PTPRU: variants seen among roughly 807,000 people sequenced by gnomAD.
The protein encoded by PTPRU is protein tyrosine phosphatase receptor type U, also known as receptor-type tyrosine-protein phosphatase U.
PTPRU carries 69 observed loss-of-function variants against 166.3 expected under a neutral mutation model. That is an observed-to-expected ratio of 0.41 (90% CI 0.34 to 0.51). The LOEUF (loss-of-function observed/expected upper bound fraction) is 0.51. PTPRU is among the 20% of genes least tolerant of loss of function. PTPRU has a pLI of 0.09. For missense variants in PTPRU, 1,657 were observed against 2,013.7 expected (o/e 0.82, Z 3.39); for synonymous variants, 793 against 814.0 (o/e 0.97, Z 0.44).
intron 15 of PTPRU, among the ~76,000 whole-genome samples, chr1:29,293,754 G>A (rs555111198): frequency 1.2e-3 from 186 of 152,332 alleles, no homozygotes; most frequent in African/African-American, 4.1e-3. Context: ...GATTACAGGC[G>A]TGAGCCACTG....
Position 29,238,953 on chromosome 1 carries a change from CT to C in PTPRU, c.73+2240del, listed in dbSNP as rs1316461135. ...GCCATCATGATAATGGTGTATGGCA[CT>C]TTTGGTAGATACCAAGTACCTTGTA... On this transcript the variant is annotated intron_variant, in intron 1 of 29. Coordinates refer to ENST00000373779, the MANE Select transcript of PTPRU (RefSeq NM_133178.4). This position sits in a 1 kb window ranked among gnomAD's most constrained non-coding sequence, Gnocchi z 6.1. Among the ~76,000 whole-genome samples, 1 of 152,208 alleles carries C rather than the reference CT, an allele frequency of 6.6e-6. No homozygotes were observed.
intron 1 of PTPRU, among the ~76,000 whole-genome samples, chr1:29,245,041 A>G (rs890107695): frequency 5.9e-5 from 9 of 152,088 alleles, no homozygotes; most frequent in Non-Finnish European, 1.0e-4. Flanking sequence ...TGTTCATCCT[A>G]CTTCCTGCTC....
chr1:29,292,982 A>AT (rs1032370569), intron 15 of PTPRU, among the ~76,000 whole-genome samples: 16 of 145,344 alleles, frequency 1.1e-4, no homozygotes, highest in Admixed American at 8.2e-4. Flanking sequence ...TACCCGGCTA[A>AT]TTTTTTTGTT....
intron 15 of PTPRU, among the ~76,000 whole-genome samples, chr1:29,294,780 G>C (rs1686804426): frequency 6.6e-6 from 1 of 152,130 alleles, no homozygotes; most frequent in African/African-American, 2.4e-5. Flanking sequence ...TTTCCATGGT[G>C]ATAAGCCACT....
At chr1:29,296,137 G>GT (rs1370506183) in intron 15 of PTPRU, among the ~76,000 whole-genome samples, 1 of 152,052 alleles carries the variant, frequency 6.6e-6, no homozygotes, top group East Asian at 1.9e-4. Context: ...TTTTCCCCAT[G>GT]TTTTTTTGGC....
In PTPRU at chr1:29,279,461, C is replaced by T; in HGVS notation, c.1569C>T (p.Ser523=). 6.2e-7 allele frequency: 1 copy of T among 1,614,096 alleles called. No homozygotes were observed. The highest frequency in any genetic ancestry group is 8.5e-7 in the Non-Finnish European group (1 of 1,179,958). Reference sequence around the variant, plus strand: ...CCTGCCAATCCTGCCCCCAGATCAGCTACCAGAGCATCGAGTCATCAGACC... The same window carrying T: ...CCTGCCAATCCTGCCCCCAGATCAGTTACCAGAGCATCGAGTCATCAGACC... The part of the protein sequence containing the change: ...PNGLITQYEI[S]YQSIESSDPA... Residue 523 remains serine, a synonymous_variant, in exon 10 of 30, where the codon AGC becomes AGT. Coordinates refer to ENST00000373779, the MANE Select transcript of PTPRU (RefSeq NM_133178.4). The surrounding 1 kb of genome is among the most constrained non-coding windows in gnomAD (Gnocchi z 5.2).
At chr1:29,303,809 C>T in intron 15 of PTPRU, 46 bp from the exon 16 acceptor site, 2 of 1,528,956 alleles carry the variant, frequency 1.3e-6, no homozygotes, top group African/African-American at 1.4e-5. Flanking sequence ...ACCCCCGAGG[C>T]TGGGGCATGT....
intron 14 of PTPRU, chr1:29,289,663 C>G (rs1275535879): frequency 6.2e-7 from 1 of 1,613,998 alleles, no homozygotes; most frequent in African/African-American, 1.3e-5. Flanking sequence ...CTGTGCTGTT[C>G]TCTCTTTGCA....
rs770180060 is a variant in PTPRU at position 29,282,866 on chromosome 1, A to C, written c.2059A>C (p.Thr687Pro). The C allele has an allele frequency of 6.2e-7, 1 of 1,614,056 alleles. No individual in the cohort carries two copies. The highest frequency in any genetic ancestry group is 8.5e-7 in the Non-Finnish European group (1 of 1,179,978). The change falls in exon 12 of 30, where the codon ACC (threonine) becomes CCC (proline). Residue 687 changes from threonine (T) to proline (P), a missense_variant. Physicochemically the swap from Thr to Pro is conservative, Grantham distance 38 (BLOSUM62 -1). Around this residue, in one of 3 missense-constraint regions of PTPRU, gnomAD observed 1,190 missense variants for 1,477.4 expected, o/e 0.81. Coordinates refer to ENST00000373779, the MANE Select transcript of PTPRU (RefSeq NM_133178.4). ...AMPFTVGDNQ[T>P]YRGFWNPPLE... The stretch of plus-strand genomic sequence containing the variant: ...GCCCTTTACCGTGGGTGACAACCAG[A>C]CCTACCGAGGCTTCTGGAACCCACC...
chr1:29,317,923 T>A lies in PTPRU; in HGVS notation c.3687+2T>A, dbSNP rs767589542. On this transcript the variant is annotated splice_donor_variant, in intron 25 of 29. Coordinates refer to ENST00000373779, the MANE Select transcript of PTPRU (RefSeq NM_133178.4). LOFTEE classifies it high-confidence loss of function. The surrounding 1 kb of genome is among the most constrained non-coding windows in gnomAD (Gnocchi z 5.6). ...TACATTAATGCAGCCCTGACTGACG[T>A]GAGAGCTTGGGGTGGAGTGGGCTCT... The A allele has an allele frequency of 6.2e-7, 1 of 1,613,682 alleles. No individual in the cohort carries two copies. The highest frequency in any genetic ancestry group is 1.7e-5 in the Admixed American group (1 of 60,012).
intron 15 of PTPRU, among the ~76,000 whole-genome samples, chr1:29,297,065 T>TG (rs1686919174): frequency 6.7e-6 from 1 of 149,748 alleles, no homozygotes; most frequent in African/African-American, 2.5e-5. Flanking sequence ...TTTTTTTTTT[T>TG]TTTTTTGAAA....
At chr1:29,323,840 C>T (rs1463843386) in intron 28 of PTPRU, 52 bp downstream of exon 28, 2 of 1,595,560 alleles carry the variant, frequency 1.3e-6, no homozygotes, top group Middle Eastern at 1.7e-4. Context: ...GAGCCAGGGG[C>T]AGAGGTCCAG....
intron 1 of PTPRU, among the ~76,000 whole-genome samples, chr1:29,254,660 G>A (rs149557227): frequency 3.3e-5 from 5 of 152,202 alleles, no homozygotes; most frequent in African/African-American, 7.2e-5. Flanking sequence ...CATTGTGCCC[G>A]GCTTGAGTGG....
At chr1:29,270,714 G>C (rs936267082) in intron 7 of PTPRU, among the ~76,000 whole-genome samples, 4 of 152,300 alleles carry the variant, frequency 2.6e-5, no homozygotes, top group Non-Finnish European at 2.9e-5. Context: ...TGTAATCCCA[G>C]AACTTTGGGA....
In PTPRU at chr1:29,280,164, G is replaced by A; in HGVS notation, c.1868+23G>A. On this transcript the variant is annotated intron_variant, in intron 11 of 29. Transcript: ENST00000373779. This position sits in a 1 kb window ranked among gnomAD's most constrained non-coding sequence, Gnocchi z 4.2. ...CAGGTGGGAAAGCGGGGACGGAGGG[G>A]TGGGAGTCCAGGGCCTTAGGAAAGA... is the stretch of plus-strand genomic sequence containing the variant. 1 of 1,584,270 alleles carries A rather than the reference G, an allele frequency of 6.3e-7. No homozygotes were observed. Among genetic ancestry groups the A allele is most frequent in the South Asian group, 1.1e-5 (1 of 90,328 alleles).
intron 11 of PTPRU, among the ~76,000 whole-genome samples, chr1:29,281,606 T>C (rs992928393): frequency 7.2e-5 from 11 of 152,200 alleles, no homozygotes; most frequent in African/African-American, 2.2e-4. Context: ...ATGGCTAATG[T>C]TAATGATTAC....
At position 29,236,680 on chromosome 1, in the gene PTPRU, C is replaced by T. The variant is rs1683778890; in HGVS notation, c.36C>T (p.Thr12=). 1 of 1,465,058 alleles carries T rather than the reference C, an allele frequency of 6.8e-7. No homozygotes were observed. Among genetic ancestry groups the T allele is most frequent in the Non-Finnish European group, 9.0e-7 (1 of 1,110,304 alleles). The allele number at this position is 1,465,058 out of a possible 1,614,324, so 90.8% of individuals were successfully genotyped here. The change falls in exon 1 of 30, where the codon ACC becomes ACT. Residue 12 remains threonine, a synonymous_variant. Transcript: ENST00000373779. The surrounding 1 kb of genome is among the most constrained non-coding windows in gnomAD (Gnocchi z 4.6). The stretch of plus-strand genomic sequence containing the variant: ...CCCAGGCGCTCGTGCTGGCACTCAC[C>T]TTCCAGCTCTGCGCGCCGGAGACCG... The part of the protein sequence containing the change: ...ARAQALVLAL[T]FQLCAPETET...
intron 18 of PTPRU, among the ~76,000 whole-genome samples, chr1:29,309,422 C>T (rs995014220): frequency 6.6e-6 from 1 of 152,176 alleles, no homozygotes; most frequent in African/African-American, 2.4e-5. Flanking sequence ...CAGGTCCATT[C>T]AACTCCAAGA....
In PTPRU at chr1:29,283,953, A is replaced by G. The variant is rs747699412; in HGVS notation, c.2156A>G (p.Asn719Ser). ...CTGTGCCTCCAGGAGACCCGGCTGA[A>G]TTGCATCCGCATTGCCAGGAAAGGT... Reference protein sequence around the residue: ...ASHLKGETRLNCIRIARKAAC... With the variant: ...ASHLKGETRLSCIRIARKAAC... Residue 719 changes from asparagine to serine, a missense_variant, in exon 13 of 30, where the codon AAT (asparagine) becomes AGT (serine). This residue lies in a region of PTPRU where 1,190 missense variants were observed against 1,477.4 expected (regional missense o/e 0.81). Transcript: ENST00000373779. The G allele has an allele frequency of 7.4e-6, 12 of 1,613,924 alleles. No homozygotes were observed. The East Asian group carries it at 2.5e-4, about 33-fold the overall frequency.
Sources: allele counts gnomAD v4.1 joint callset (sites outside exome capture counted in the v4.1 genomes callset), GRCh38; gene constraint gnomAD v4.1.1; regional missense constraint gnomAD v4.1.1; non-coding constraint Gnocchi (gnomAD v3.1); transcripts MANE v1.5; gene names NCBI Gene and HGNC (gene_info 2026-07-23, HGNC 2026-07-21).